Variants in DSEL observed in about 807,000 individuals in gnomAD.
DSEL encodes dermatan-sulfate epimerase-like protein.
DSEL carries 61 observed loss-of-function variants against 96.6 expected under a neutral mutation model. The ratio of observed to expected loss-of-function variants is 0.63; its 90% CI spans 0.51 to 0.78. The LOEUF (loss-of-function observed/expected upper bound fraction) is 0.78. Ranked by LOEUF, DSEL falls within the 30% of genes least tolerant of loss-of-function variation. The pLI, the probability that DSEL is intolerant of heterozygous loss-of-function variation, is 0.00. For missense variants in DSEL, 1,320 were observed against 1,430.8 expected, an observed-to-expected ratio of 0.92 and a Z score of 1.25; for synonymous variants, 514 against 502.0, an observed-to-expected ratio of 1.02 and a Z score of -0.32.
rs758544654 is a variant in DSEL at position 67,511,240 on chromosome 18, C to G, written c.3369G>C (p.Gln1123His). ...GCACAATATCTTCAAACTTGACCAG[C>G]TGGTAGCTAGTAGGCAGCAAATCTG... is the stretch of plus-strand genomic sequence containing the variant. Reference protein sequence around the residue: ...INTDLLPTSYQLVKFEDIVHF... With the variant: ...INTDLLPTSYHLVKFEDIVHF... Residue 1123 changes from glutamine (Q) to histidine (H), a missense_variant, in exon 2 of 2, where the codon CAG (glutamine) becomes CAC (histidine). This residue lies in a region of DSEL where 986 missense variants were observed against 1,066.4 expected (regional missense o/e 0.92). Transcript: ENST00000310045. 9 of 1,613,254 alleles carry G rather than the reference C, an allele frequency of 5.6e-6. No homozygotes were observed. The highest frequency in any genetic ancestry group is 7.6e-6 in the Non-Finnish European group (9 of 1,180,024).
Position 67,511,102 on chromosome 18 carries a change from G to A in DSEL, c.3507C>T (p.Pro1169=). 6.2e-7 allele frequency: 1 copy of A among 1,614,090 alleles called. No individual in the cohort carries two copies. The highest frequency in any genetic ancestry group is 8.5e-7 in the Non-Finnish European group (1 of 1,179,996). ...TAGTTGGTGATATTTCCCCTTCATA[G>A]GGAAGGTAAAAAAGGTTTGTAGAGG... is the stretch of plus-strand genomic sequence containing the variant. ...FATSTNLFYL[P]YEGEISPTNT... is the part of the protein sequence containing the mutation. Residue 1169 remains proline (P), a synonymous_variant, in exon 2 of 2, where the codon CCC becomes CCT. Coordinates refer to ENST00000310045, the MANE Select transcript of DSEL (RefSeq NM_032160.3).
Position 67,511,569 on chromosome 18 carries a change from G to A in DSEL, c.3040C>T (p.His1014Tyr), listed in dbSNP as rs1262159266. Residue 1014 changes from histidine (H) to tyrosine (Y), a missense_variant, in exon 2 of 2, where the codon CAT becomes TAT. Around this residue, in one of 3 missense-constraint regions of DSEL, gnomAD observed 986 missense variants for 1,066.4 expected, o/e 0.92. Coordinates refer to ENST00000310045, the MANE Select transcript of DSEL (RefSeq NM_032160.3). ...LSSGSWTLKLHFFQEVLGASM... is the reference protein window; with the variant it reads ...LSSGSWTLKLYFFQEVLGASM... ...GCTCCTAAAACTTCCTGAAAAAAAT[G>A]AAGCTTTAACGTCCAGCTTCCACTG... 6.2e-7 allele frequency: 1 copy of A among 1,612,874 alleles called. No homozygotes were observed. The highest frequency in any genetic ancestry group is 1.3e-5 in the African/African-American group (1 of 74,760).
At position 67,508,167 on chromosome 18, in the gene DSEL, G is replaced by C. The variant is rs1443745976; in HGVS notation, c.*2803C>G. 6.6e-6 allele frequency: 1 copy of C among 152,138 alleles called. No individual in the cohort carries two copies. The highest frequency in any genetic ancestry group is 1.5e-5 in the Non-Finnish European group (1 of 68,014). The allele number at this position is 152,138 out of a possible 1,614,324, so 9.4% of individuals were successfully genotyped here. On this transcript the variant is annotated 3_prime_UTR_variant, in exon 2 of 2. Coordinates refer to ENST00000310045, the MANE Select transcript of DSEL (RefSeq NM_032160.3). Reference sequence around the variant, plus strand: ...AATTTTGTAAGTGTTTCTTTCAGAAGTATCAGATAGTGATAATCCCTCTTT... The same window carrying C: ...AATTTTGTAAGTGTTTCTTTCAGAACTATCAGATAGTGATAATCCCTCTTT...
rs921506890 is a variant in DSEL at position 67,508,436 on chromosome 18, A to G, written c.*2534T>C. 1 of 152,256 alleles carries G rather than the reference A, an allele frequency of 6.6e-6. No individual in the cohort carries two copies. Among genetic ancestry groups the G allele is most frequent in the East Asian group, 1.9e-4 (1 of 5,188 alleles). 9.4% of individuals were successfully genotyped at this position (152,256 alleles called of 1,614,324 possible). ...GGACGCTTTCTCCAGCAAACTTTCTATTTTAGAATAACTAAATAGTAGGGT... is the reference window on the plus strand; with the variant it reads ...GGACGCTTTCTCCAGCAAACTTTCTGTTTTAGAATAACTAAATAGTAGGGT... On this transcript the variant is annotated 3_prime_UTR_variant, in exon 2 of 2. Transcript: ENST00000310045.
chr18:67,512,383 T>G lies in DSEL; in HGVS notation c.2226A>C (p.Gln742His). The change falls in exon 2 of 2, where the codon CAA (glutamine) becomes CAC (histidine). Residue 742 changes from glutamine (Q) to histidine (H), a missense_variant. Physicochemically the swap from Gln to His is conservative, Grantham distance 24 (BLOSUM62 0). Around this residue, in one of 3 missense-constraint regions of DSEL, gnomAD observed 986 missense variants for 1,066.4 expected, o/e 0.92. Coordinates refer to ENST00000310045, the MANE Select transcript of DSEL (RefSeq NM_032160.3). ...GFGGFASVAD[Q>H]GQITRFGLGT... ...CCAAACCAAATCGGGTTATTTGGCCTTGATCAGCCACACTGGCAAAGCCAC... is the reference window on the plus strand; with the variant it reads ...CCAAACCAAATCGGGTTATTTGGCCGTGATCAGCCACACTGGCAAAGCCAC... The G allele has an allele frequency of 6.2e-7, 1 of 1,614,228 alleles. No homozygotes were observed. The highest frequency in any genetic ancestry group is 1.1e-5 in the South Asian group (1 of 91,086).
In DSEL at chr18:67,512,346, T is replaced by A. The variant is rs754005822; in HGVS notation, c.2263A>T (p.Ile755Leu). 6 of 1,614,222 alleles carry A rather than the reference T, an allele frequency of 3.7e-6. No individual in the cohort carries two copies. The highest frequency in any genetic ancestry group is 1.6e-4 in the Middle Eastern group (1 of 6,062). The change falls in exon 2 of 2, where the codon ATA becomes TTA. Residue 755 changes from isoleucine to leucine, a missense_variant. Around this residue, in one of 3 missense-constraint regions of DSEL, gnomAD observed 986 missense variants for 1,066.4 expected, o/e 0.92. Transcript: ENST00000310045. ...CTATCATGTCTTACAGGCTTTACTA[T>A]TGCTTGAGTGCCCAAACCAAATCGG... ...ITRFGLGTQA[I>L]VKPVRHDRII... is the part of the protein sequence containing the mutation.
Position 67,514,800 on chromosome 18 carries a change from A to G in DSEL, c.-192T>C. ...CAGTTGCCAAAAAGAGAAAACTTAA[A>G]TTGTATATCTCTGTCCCTGGCACAG... On this transcript the variant is annotated 5_prime_UTR_variant, in exon 2 of 2. Transcript: ENST00000310045. 3.2e-6 allele frequency: 2 copies of G among 621,932 alleles called. No homozygotes were observed. The highest frequency in any genetic ancestry group is 5.6e-6 in the Non-Finnish European group (2 of 359,076). 38.5% of individuals were successfully genotyped at this position (621,932 alleles called of 1,614,324 possible).
At position 67,510,982 on chromosome 18, in the gene DSEL, C is replaced by T; in HGVS notation, c.3627G>A (p.Lys1209=). 3 of 1,574,362 alleles carry T rather than the reference C, an allele frequency of 1.9e-6. No homozygotes were observed. Among genetic ancestry groups the T allele is most frequent in the Non-Finnish European group, 2.6e-6 (3 of 1,164,108 alleles). ...WTLMDRLGYP[K]FMD is the part of the protein sequence containing the mutation. The stretch of plus-strand genomic sequence containing the variant: ...TGACCTGCAGCATTTAGTCCATAAA[C>T]TTTGGATATCCTAGGCGATCCATCA... The change falls in exon 2 of 2, where the codon AAG becomes AAA. Residue 1209 remains lysine (K), a synonymous_variant. Transcript: ENST00000310045.
chr18:67,506,719 A>G lies in DSEL; in HGVS notation c.*4251T>C, dbSNP rs2089412236. 1 of 152,168 alleles carries G rather than the reference A, an allele frequency of 6.6e-6. No individual in the cohort carries two copies. The highest frequency in any genetic ancestry group is 1.5e-5 in the Non-Finnish European group (1 of 68,032). 9.4% of individuals were successfully genotyped at this position (152,168 alleles called of 1,614,324 possible). ...ACGTATGAAGGAAAAACGACGACGAACAAAAAATTAATTGCTTGGAAGACT... is the reference window on the plus strand; with the variant it reads ...ACGTATGAAGGAAAAACGACGACGAGCAAAAAATTAATTGCTTGGAAGACT... On this transcript the variant is annotated 3_prime_UTR_variant, in exon 2 of 2. Coordinates refer to ENST00000310045, the MANE Select transcript of DSEL (RefSeq NM_032160.3).
chr18:67,508,552 G>C lies in DSEL; in HGVS notation c.*2418C>G, dbSNP rs1303394214. ...CATTGCCATGTGGGGGTGAAAGCTGGGATACATTGTAAAGATCATTTTCGT... is the reference window on the plus strand; with the variant it reads ...CATTGCCATGTGGGGGTGAAAGCTGCGATACATTGTAAAGATCATTTTCGT... On this transcript the variant is annotated 3_prime_UTR_variant, in exon 2 of 2. Transcript: ENST00000310045. The C allele has an allele frequency of 6.6e-6, 1 of 151,962 alleles. No individual in the cohort carries two copies. Among genetic ancestry groups the C allele is most frequent in the Non-Finnish European group, 1.5e-5 (1 of 68,018 alleles). The allele number at this position is 151,962 out of a possible 1,614,324, so 9.4% of individuals were successfully genotyped here.
At position 67,512,145 on chromosome 18, in the gene DSEL, T is replaced by A. The variant is rs760157075; in HGVS notation, c.2464A>T (p.Thr822Ser). ...WFIELLDVWS[T>S]CSQPICAKWT... ...TTTGCACAAATGGGCTGACTACAAG[T>A]GCTCCACACATCCAAAAGCTCAATA... Residue 822 changes from threonine (T) to serine (S), a missense_variant, in exon 2 of 2, where the codon ACT becomes TCT. By Grantham distance (58) the Thr-to-Ser change is moderately conservative. Around this residue, in one of 3 missense-constraint regions of DSEL, gnomAD observed 986 missense variants for 1,066.4 expected, o/e 0.92. Coordinates refer to ENST00000310045, the MANE Select transcript of DSEL (RefSeq NM_032160.3). 3.7e-6 allele frequency: 6 copies of A among 1,614,184 alleles called. No individual in the cohort carries two copies. Among genetic ancestry groups the A allele is most frequent in the Non-Finnish European group, 8.5e-7 (1 of 1,180,020 alleles).
At position 67,511,579 on chromosome 18, in the gene DSEL, C is replaced by A; in HGVS notation, c.3030G>T (p.Thr1010=). ...PVLSLSSGSW[T]LKLHFFQEVL... ...CTTCCTGAAAAAAATGAAGCTTTAA[C>A]GTCCAGCTTCCACTGCTTAAACTGA... The change falls in exon 2 of 2, where the codon ACG becomes ACT. Residue 1010 remains threonine, a synonymous_variant. Coordinates refer to ENST00000310045, the MANE Select transcript of DSEL (RefSeq NM_032160.3). 3.1e-6 allele frequency: 5 copies of A among 1,613,416 alleles called. No individual in the cohort carries two copies. In the South Asian group the frequency reaches 5.5e-5, roughly 18 times the overall value.
In DSEL at chr18:67,514,057, T is replaced by C. The variant is rs138194105; in HGVS notation, c.552A>G (p.Leu184=). 6 of 1,614,010 alleles carry C rather than the reference T, an allele frequency of 3.7e-6. No homozygotes were observed. Among genetic ancestry groups the C allele is most frequent in the African/African-American group, 2.7e-5 (2 of 74,930 alleles). ...TTCGATGATTATCTAATAAGTTATATAAAAAGTCAAAGGCAGTGGCAAAAC... is the reference window on the plus strand; with the variant it reads ...TTCGATGATTATCTAATAAGTTATACAAAAAGTCAAAGGCAGTGGCAAAAC... ...LTGFATAFDF[L]YNLLDNHRRQ... Residue 184 remains leucine, a synonymous_variant, in exon 2 of 2, where the codon TTA becomes TTG. Transcript: ENST00000310045.
Position 67,514,194 on chromosome 18 carries a change from T to G in DSEL, c.415A>C (p.Lys139Gln), listed in dbSNP as rs1435927705. 6.2e-7 allele frequency: 1 copy of G among 1,614,090 alleles called. No homozygotes were observed. The highest frequency in any genetic ancestry group is 1.3e-5 in the African/African-American group (1 of 74,926). ...ALYCLLCPEDKVAFEFVLEYM... is the reference protein window; with the variant it reads ...ALYCLLCPEDQVAFEFVLEYM... ...TCCAAGACAAATTCAAAGGCAACTT[T>G]GTCTTCTGGGCATAACAAACAGTAC... The change falls in exon 2 of 2, where the codon AAA (lysine) becomes CAA (glutamine). Residue 139 changes from lysine to glutamine, a missense_variant. Around this residue, in one of 3 missense-constraint regions of DSEL, gnomAD observed 323 missense variants for 333.1 expected, o/e 0.97. Coordinates refer to ENST00000310045, the MANE Select transcript of DSEL (RefSeq NM_032160.3).
Position 67,507,795 on chromosome 18 carries a change from TTG to T in DSEL, c.*3173_*3174del, listed in dbSNP as rs2089418686. On this transcript the variant is annotated 3_prime_UTR_variant, in exon 2 of 2. Transcript: ENST00000310045. The stretch of plus-strand genomic sequence containing the variant: ...TGTCCACACCTAAACGTACATATTG[TTG>T]TGTCATCACTTTGTTAAAATTTAAA... 6.6e-6 allele frequency: 1 copy of T among 152,230 alleles called. No individual in the cohort carries two copies. Among genetic ancestry groups the T allele is most frequent in the South Asian group, 2.1e-4 (1 of 4,836 alleles). 9.4% of individuals were successfully genotyped at this position (152,230 alleles called of 1,614,324 possible). A position where few individuals can be genotyped will look rare whatever the true frequency, so the allele number is the denominator to read the frequency against.
Position 67,512,455 on chromosome 18 carries a change from T to C in DSEL, c.2154A>G (p.Val718=). ...VNNTEHVVSI[V]TDYHNLKTRF... ...TTGTCTTCAGGTTATGGTAATCAGTTACAATAGAAACAACATGTTCAGTAT... is the reference window on the plus strand; with the variant it reads ...TTGTCTTCAGGTTATGGTAATCAGTCACAATAGAAACAACATGTTCAGTAT... Residue 718 remains valine, a synonymous_variant, in exon 2 of 2, where the codon GTA becomes GTG. Coordinates refer to ENST00000310045, the MANE Select transcript of DSEL (RefSeq NM_032160.3). 1 of 1,614,184 alleles carries C rather than the reference T, an allele frequency of 6.2e-7. No individual in the cohort carries two copies. Among genetic ancestry groups the C allele is most frequent in the Non-Finnish European group, 8.5e-7 (1 of 1,180,036 alleles).
chr18:67,514,717 A>C lies in DSEL; in HGVS notation c.-109T>G, dbSNP rs547651466. On this transcript the variant is annotated 5_prime_UTR_variant, in exon 2 of 2. Coordinates refer to ENST00000310045, the MANE Select transcript of DSEL (RefSeq NM_032160.3). ...CAGTAAAGGCCTTGATAAGACAAAG[A>C]CTGTAAATCTGATATGCTGTGAAAT... 1 of 1,225,820 alleles carries C rather than the reference A, an allele frequency of 8.2e-7. No individual in the cohort carries two copies. The highest frequency in any genetic ancestry group is 2.3e-5 in the East Asian group (1 of 42,586). The allele number at this position is 1,225,820 out of a possible 1,614,324, so 75.9% of individuals were successfully genotyped here.
At position 67,510,984 on chromosome 18, in the gene DSEL, T is replaced by A; in HGVS notation, c.3625A>T (p.Lys1209Ter). The A allele has an allele frequency of 1.3e-6, 2 of 1,575,836 alleles. No homozygotes were observed. Among genetic ancestry groups the A allele is most frequent in the Non-Finnish European group, 1.7e-6 (2 of 1,164,766 alleles). Reference protein sequence around the residue: ...WTLMDRLGYPKFMD With the variant: ...WTLMDRLGYP ...ACCTGCAGCATTTAGTCCATAAACTTTGGATATCCTAGGCGATCCATCAGA... is the reference window on the plus strand; with the variant it reads ...ACCTGCAGCATTTAGTCCATAAACTATGGATATCCTAGGCGATCCATCAGA... Residue 1209 changes from lysine to a stop codon, truncating the protein, a stop_gained, in exon 2 of 2, where the codon AAG becomes TAG. Transcript: ENST00000310045. LOFTEE classifies it high-confidence loss of function.
rs1598980340 is a variant in DSEL, at chr18:67,514,666, T to C, written c.-58A>G. ...ATGTCAGATATGATGCTCAATGTGT[T>C]TCCCATCTGGTTAGTATAAAACATA... On this transcript the variant is annotated 5_prime_UTR_variant, in exon 2 of 2. Transcript: ENST00000310045. The C allele has an allele frequency of 6.3e-7, 1 of 1,580,160 alleles. No homozygotes were observed. Among genetic ancestry groups the C allele is most frequent in the East Asian group, 2.2e-5 (1 of 44,712 alleles).
Sources: gnomAD v4.1 joint callset for allele counts on GRCh38, gnomAD v4.1.1 for gene constraint, gnomAD v4.1.1 regional missense constraint, MANE v1.5 for transcripts, NCBI Gene and HGNC (gene_info 2026-07-23, HGNC 2026-07-21) for gene names.